STAB2: variants seen among roughly 807,000 people sequenced by gnomAD.
STAB2 encodes stabilin-2.
Under a neutral mutation model 338.1 loss-of-function variants are expected in STAB2, and 288 were observed. The observed-to-expected ratio is 0.85, with a 90% CI of 0.77 to 0.94. The LOEUF (loss-of-function observed/expected upper bound fraction) is 0.94, where lower values mean the gene tolerates loss of function less well. STAB2 is among the 40% of genes least tolerant of loss of function. The pLI is 0.00. For synonymous variants in STAB2, 1,202 were observed against 1,193.3 expected (o/e 1.01, Z -0.15); for missense variants, 3,141 against 3,210.1 (o/e 0.98, Z 0.52).
intron 5 of STAB2, among the ~76,000 whole-genome samples, chr12:103,623,789 G>A (rs10861059): frequency 0.15 from 23,509 of 152,096 alleles, 2,002 homozygotes; most frequent in South Asian, 0.21. Context: ...AGTCAAGTGG[G>A]GAGAGTTTTT....
intron 56 of STAB2, among the ~76,000 whole-genome samples, chr12:103,743,183 C>T (rs1045674696): frequency 3.3e-5 from 5 of 151,916 alleles, no homozygotes; most frequent in East Asian, 1.9e-4. Flanking sequence ...CCACCACACC[C>T]GGCTAATTTT....
intron 63 of STAB2, among the ~76,000 whole-genome samples, chr12:103,756,961 C>T (rs1593347641): frequency 7.0e-6 from 1 of 143,840 alleles, no homozygotes; most frequent in South Asian, 2.2e-4. Context: ...AAATTACCTA[C>T]CTTCTCTGGG....
rs145127620 is a variant in STAB2, at chr12:103,703,353, G to C, written c.3843+77G>C. Reference sequence around the variant, plus strand: ...TTTTATATAATTTTGGGGGCATAAGGCTTTTCTATTAAGGTGTATCAATTC... The same window carrying C: ...TTTTATATAATTTTGGGGGCATAAGCCTTTTCTATTAAGGTGTATCAATTC... On this transcript the variant is annotated intron_variant, in intron 35 of 68. Transcript: ENST00000388887. 1.4e-5 allele frequency: 22 copies of C among 1,545,532 alleles called. No homozygotes were observed. In the South Asian group the frequency reaches 1.5e-4, roughly 10 times the overall value.
intron 30 of STAB2, among the ~76,000 whole-genome samples, 167 bp downstream of exon 30, chr12:103,690,705 A>C (rs886670658): frequency 6.6e-6 from 1 of 152,276 alleles, no homozygotes; most frequent in Admixed American, 6.5e-5. Context: ...TCATATATCA[A>C]TACATACACA....
rs139228545 is a variant in STAB2, at chr12:103,764,757, ATAT to A, written c.7605+1151_7605+1153del. On this transcript the variant is annotated intron_variant, in intron 68 of 68. Transcript: ENST00000388887. ...CTGAAAAATAACCAGATTGCAAATC[ATAT>A]TTTTTTAATCAAACCCATGTAAAGG... Among the ~76,000 whole-genome samples, 439 of 152,336 alleles carry A rather than the reference ATAT, an allele frequency of 2.9e-3. 3 individuals carry two copies. Among genetic ancestry groups the A allele is most frequent in the African/African-American group, 1.0e-2 (415 of 41,568 alleles).
In STAB2 at chr12:103,753,992, A is replaced by G. The variant is rs1045030006; in HGVS notation, c.6714+639A>G. Among the ~76,000 whole-genome samples the G allele has an allele frequency of 2.6e-5, 4 of 152,198 alleles. No individual in the cohort carries two copies. The South Asian group carries it at 6.2e-4, about 24-fold the overall frequency. On this transcript the variant is annotated intron_variant, in intron 61 of 68. Transcript: ENST00000388887. ...TGCTGCTCTCTTAACCTCTAAAACT[A>G]GAAGTCCTACCCATTTGGAAAAGCT...
In STAB2 at chr12:103,703,219, A is replaced by G. The variant is rs1879058362; in HGVS notation, c.3786A>G (p.Gly1262=). ...ATDKGVIHGL[G]KVLEIQKNRC... ...ATAAGGGAGTGATCCATGGCTTGGG[A>G]AAAGTTCTGGAAATTCAGAAGAACA... Residue 1262 remains glycine (G), a synonymous_variant, in exon 35 of 69, where the codon GGA becomes GGG. Coordinates refer to ENST00000388887, the MANE Select transcript of STAB2 (RefSeq NM_017564.10). 4.3e-6 allele frequency: 7 copies of G among 1,614,048 alleles called. No individual in the cohort carries two copies. The highest frequency in any genetic ancestry group is 5.9e-6 in the Non-Finnish European group (7 of 1,180,034).
At chr12:103,666,912 T>A (rs892748713) in intron 19 of STAB2, among the ~76,000 whole-genome samples, 2 of 152,230 alleles carry the variant, frequency 1.3e-5, no homozygotes, top group African/African-American at 4.8e-5. Flanking sequence ...GGCATGAGGA[T>A]GAATAAGAAA....
chr12:103,602,492 C>T (rs1457918786), intron 3 of STAB2, among the ~76,000 whole-genome samples: 3 of 152,232 alleles, frequency 2.0e-5, no homozygotes, highest in East Asian at 1.9e-4. Flanking sequence ...TACCTGGGAG[C>T]GGGTGTCCTG....
chr12:103,615,795 T>C (rs1481601849), intron 3 of STAB2, among the ~76,000 whole-genome samples: 2 of 152,104 alleles, frequency 1.3e-5, no homozygotes, highest in African/African-American at 4.8e-5. Flanking sequence ...ACAGAGTAAG[T>C]GCAAGCAGGG....
intron 47 of STAB2, among the ~76,000 whole-genome samples, chr12:103,727,623 T>C (rs1282155292): frequency 6.6e-6 from 1 of 152,198 alleles, no homozygotes; most frequent in Non-Finnish European, 1.5e-5. Context: ...CTCAAGTGAT[T>C]TAGACCTCCT....
intron 15 of STAB2, 36 bp downstream of exon 15, chr12:103,655,617 A>G (rs781118873): frequency 8.1e-6 from 13 of 1,611,376 alleles, no homozygotes; most frequent in Middle Eastern, 1.6e-4. Flanking sequence ...GCATCGTGTC[A>G]GCAGCACTGC....
chr12:103,761,239 C>T (rs931589553), intron 65 of STAB2, 61 bp from the exon 66 acceptor site: 25 of 1,519,852 alleles, frequency 1.6e-5, no homozygotes, highest in Middle Eastern at 1.7e-4. Context: ...AACAACTTCC[C>T]TCCATGGAGG....
intron 5 of STAB2, among the ~76,000 whole-genome samples, chr12:103,627,799 G>A (rs1056351509): frequency 4.6e-5 from 7 of 152,230 alleles, no homozygotes; most frequent in Non-Finnish European, 1.0e-4. Flanking sequence ...GGGAGCAGGA[G>A]CCCTCTGTGC....
chr12:103,646,354 G>A (rs186495004), intron 9 of STAB2, among the ~76,000 whole-genome samples: 9 of 152,018 alleles, frequency 5.9e-5, no homozygotes, highest in East Asian at 1.9e-4. Flanking sequence ...ATCTCTCTAC[G>A]GGCTGTCCTG....
At chr12:103,622,577 C>T (rs1309038714) in intron 5 of STAB2, among the ~76,000 whole-genome samples, 1 of 152,222 alleles carries the variant, frequency 6.6e-6, no homozygotes, top group African/African-American at 2.4e-5. Context: ...AATTCATCCA[C>T]AAGGACTCAA....
chr12:103,625,328 G>C (rs534069625), intron 5 of STAB2, among the ~76,000 whole-genome samples: 16 of 152,256 alleles, frequency 1.1e-4, no homozygotes, highest in Middle Eastern at 6.8e-3. Flanking sequence ...GTGGAGAAAG[G>C]GCAAGTGAAA....
rs993179612 is a variant in STAB2 at position 103,683,382 on chromosome 12, G to A, written c.2901+82G>A. The A allele has an allele frequency of 6.3e-5, 81 of 1,280,256 alleles. 1 individual carries two copies. The highest frequency in any genetic ancestry group is 8.4e-5 in the Non-Finnish European group (78 of 931,864). 79.3% of individuals were successfully genotyped at this position (1,280,256 alleles called of 1,614,324 possible). A position where few individuals can be genotyped will look rare whatever the true frequency, so the allele number is the denominator to read the frequency against. On this transcript the variant is annotated intron_variant, in intron 26 of 68. Coordinates refer to ENST00000388887, the MANE Select transcript of STAB2 (RefSeq NM_017564.10). ...AGAAAGAAAGATTATTTCCTGTCTGGCCTAGTGATGAACAAAATCTCTTAC... is the reference window on the plus strand; with the variant it reads ...AGAAAGAAAGATTATTTCCTGTCTGACCTAGTGATGAACAAAATCTCTTAC...
At chr12:103,708,566 C>CAG in intron 39 of STAB2, 30 bp downstream of exon 39, 16 of 1,597,560 alleles carry the variant, frequency 1.0e-5, no homozygotes, top group Non-Finnish European at 1.3e-5. Flanking sequence ...TATTTATAAT[C>CAG]TGCTCTAAGC....
Sources: gnomAD v4.1 joint callset for allele counts (sites outside exome capture counted in the v4.1 genomes callset) on GRCh38, gnomAD v4.1.1 for gene constraint, MANE v1.5 for transcripts, NCBI Gene and HGNC (gene_info 2026-07-23, HGNC 2026-07-21) for gene names.